Variants in OPCML observed in about 807,000 individuals in gnomAD.
OPCML encodes the protein opioid binding protein/cell adhesion molecule like.
In OPCML, 13 loss-of-function variants were observed where a neutral mutation model predicts 37.8. That is an observed-to-expected ratio of 0.34 (90% CI 0.22 to 0.55). The LOEUF is 0.55. Ranked by LOEUF, OPCML falls within the 20% of genes least tolerant of loss-of-function variation. The pLI, the probability that OPCML is intolerant of heterozygous loss-of-function variation, is 0.91. For synonymous variants in OPCML, 176 were observed against 168.8 expected (o/e 1.04, Z -0.33); for missense variants, 341 against 435.6 (o/e 0.78, Z 1.93).
rs745477145 is a variant in OPCML, at chr11:133,177,616, C to T, written c.62-234606G>A. On this transcript the variant is annotated intron_variant, in intron 1 of 7. Coordinates refer to ENST00000524381, the MANE Select transcript of OPCML (RefSeq NM_001012393.5). The surrounding 1 kb of genome is among the most constrained non-coding windows in gnomAD (Gnocchi z 5.0). ...GTGAATACAACTCCAGTTCTGTACC[C>T]GACCCTGCCCGGACTGCCCCATGGT... Among the ~76,000 whole-genome samples, 6 of 152,234 alleles carry T rather than the reference C, an allele frequency of 3.9e-5. No individual in the cohort carries two copies. The highest frequency in any genetic ancestry group is 3.9e-4 in the East Asian group (2 of 5,178).
At chr11:133,514,569 AAAGTCAAGAG>A (rs1465010325) in intron 1 of OPCML, among the ~76,000 whole-genome samples, 1 of 152,174 alleles carries the variant, frequency 6.6e-6, no homozygotes, top group Non-Finnish European at 1.5e-5. Context: ...CCTAAAGACT[AAAGTCAAGAG>A]TCCTTTTTTA....
chr11:132,970,772 T>C (rs1272205111), intron 1 of OPCML, among the ~76,000 whole-genome samples: 2 of 152,206 alleles, frequency 1.3e-5, no homozygotes, highest in African/African-American at 4.8e-5. Flanking sequence ...CTGTCTTTTC[T>C]TCTAAACAGC....
intron 2 of OPCML, among the ~76,000 whole-genome samples, chr11:132,840,837 C>T (rs942555522): frequency 1.3e-5 from 2 of 151,856 alleles, no homozygotes; most frequent in Admixed American, 6.6e-5. Flanking sequence ...TTGATGAGGC[C>T]GCTGAAAAAA....
chr11:133,367,734 T>C (rs1944577628), intron 1 of OPCML, among the ~76,000 whole-genome samples: 1 of 152,222 alleles, frequency 6.6e-6, no homozygotes, highest in South Asian at 2.1e-4. Context: ...TATTTTCTTT[T>C]CCTTTTCTTT....
chr11:132,930,314 T>C (rs1945155041), intron 2 of OPCML, among the ~76,000 whole-genome samples: 2 of 151,980 alleles, frequency 1.3e-5, no homozygotes, highest in African/African-American at 4.8e-5. Flanking sequence ...CAGTGAGCCA[T>C]GATTGTGTCA....
At chr11:133,386,714 T>C (rs1025725799) in intron 1 of OPCML, among the ~76,000 whole-genome samples, 13 of 152,224 alleles carry the variant, frequency 8.5e-5, no homozygotes, top group Admixed American at 3.3e-4. Flanking sequence ...AAATCACATC[T>C]AAATAATGAC....
intron 2 of OPCML, among the ~76,000 whole-genome samples, chr11:132,865,084 G>A (rs941886507): frequency 6.6e-6 from 1 of 152,226 alleles, no homozygotes; most frequent in African/African-American, 2.4e-5. Flanking sequence ...ACCGATGCAG[G>A]CAGGTCATTC....
chr11:133,435,664 C>A (rs915017313), intron 1 of OPCML, among the ~76,000 whole-genome samples: 1 of 152,158 alleles, frequency 6.6e-6, no homozygotes, highest in Non-Finnish European at 1.5e-5. Flanking sequence ...AAAGGAAAGG[C>A]ATTTTATGTG....
chr11:132,792,685 TG>T (rs1938004683), intron 2 of OPCML, among the ~76,000 whole-genome samples: 1 of 151,954 alleles, frequency 6.6e-6, no homozygotes, highest in South Asian at 2.1e-4. Flanking sequence ...GCGGAGGGGA[TG>T]GGCGGCCCCC....
intron 3 of OPCML, among the ~76,000 whole-genome samples, chr11:132,646,353 G>T (rs201381232): frequency 6.6e-6 from 1 of 152,174 alleles, no homozygotes; most frequent in East Asian, 1.9e-4. Flanking sequence ...GAATAGAAAA[G>T]ACGGTTTGGC....
At chr11:133,435,838 T>C (rs1946222226) in intron 1 of OPCML, among the ~76,000 whole-genome samples, 1 of 152,210 alleles carries the variant, frequency 6.6e-6, no homozygotes, top group Non-Finnish European at 1.5e-5. Flanking sequence ...CCCACCTCTC[T>C]AGAGGGGACA....
chr11:132,427,162 A>T (rs568765652), intron 7 of OPCML, among the ~76,000 whole-genome samples: 1 of 152,238 alleles, frequency 6.6e-6, no homozygotes, highest in East Asian at 1.9e-4. Context: ...AAAAGAAAAA[A>T]AAAGCCCCTA....
intron 1 of OPCML, among the ~76,000 whole-genome samples, chr11:133,128,233 T>A (rs1278631984): frequency 2.0e-5 from 3 of 152,070 alleles, no homozygotes; most frequent in Non-Finnish European, 4.4e-5. Flanking sequence ...GGCAGCCCCG[T>A]CCCCTCATGC....
At chr11:132,658,710 A>G (rs900560423) in intron 2 of OPCML, among the ~76,000 whole-genome samples, 2 of 152,216 alleles carry the variant, frequency 1.3e-5, no homozygotes, top group African/African-American at 4.8e-5. Flanking sequence ...TCTTTTCTAA[A>G]TAAGCATGTG....
At chr11:132,996,454 TAA>T (rs530006546) in intron 1 of OPCML, among the ~76,000 whole-genome samples, 19 of 132,770 alleles carry the variant, frequency 1.4e-4, no homozygotes, top group South Asian at 2.5e-4. Context: ...CCATCTCTAC[TAA>T]AAAAAAAAAA....
At chr11:132,984,273 C>T (rs1946644556) in intron 1 of OPCML, among the ~76,000 whole-genome samples, 1 of 152,066 alleles carries the variant, frequency 6.6e-6, no homozygotes, top group South Asian at 2.1e-4. Context: ...TCTTAGAGTC[C>T]TTATAACTAC....
chr11:132,785,034 T>A (rs1340444706), intron 2 of OPCML, among the ~76,000 whole-genome samples: 1 of 152,224 alleles, frequency 6.6e-6, no homozygotes, highest in African/African-American at 2.4e-5. Flanking sequence ...TTCTTTTACA[T>A]AATACTCCCA....
chr11:132,658,503 C>T (rs921365329), intron 2 of OPCML, among the ~76,000 whole-genome samples: 5 of 152,126 alleles, frequency 3.3e-5, no homozygotes, highest in Non-Finnish European at 7.3e-5. Flanking sequence ...CTCCAAGCAC[C>T]AGAACCATGA....
chr11:133,297,011 T>C (rs1942647212), intron 1 of OPCML, among the ~76,000 whole-genome samples: 1 of 152,098 alleles, frequency 6.6e-6, no homozygotes, highest in Non-Finnish European at 1.5e-5. Flanking sequence ...CCATTAACAG[T>C]GAACAGTCAT....
Sources: allele counts gnomAD v4.1 joint callset (sites outside exome capture counted in the v4.1 genomes callset), GRCh38; gene constraint gnomAD v4.1.1; non-coding constraint Gnocchi (gnomAD v3.1); transcripts MANE v1.5; gene names NCBI Gene and HGNC (gene_info 2026-07-23, HGNC 2026-07-21).